The following FANCL variants were observed in gnomAD, a reference collection of about 807,000 sequenced individuals.
FANCL encodes E3 ubiquitin-protein ligase FANCL.
Under a neutral mutation model 59.4 loss-of-function variants are expected in FANCL, and 69 were observed. The ratio of observed to expected loss-of-function variants is 1.16; its 90% CI spans 0.96 to 1.42. The LOEUF (loss-of-function observed/expected upper bound fraction) is 1.42. FANCL is among the 40% of genes most tolerant of loss of function. FANCL has a pLI of 0.00. For synonymous variants in FANCL, 180 were observed against 147.1 expected, an observed-to-expected ratio of 1.22 and a Z score of -1.62; for missense variants, 519 against 447.2, an observed-to-expected ratio of 1.16 and a Z score of -1.45.
chr2:58,232,951 AAC>A lies in FANCL; in HGVS notation c.97-841_97-840del, dbSNP rs201953385. ...AAAAACAATTACCATGTGGAATTTT[AAC>A]ACAGTCTCCCTCAAAGCAGTTTCAA... On this transcript the variant is annotated intron_variant, in intron 1 of 13. Coordinates refer to ENST00000233741, the MANE Select transcript of FANCL (RefSeq NM_018062.4). 4.0e-4 allele frequency among the ~76,000 whole-genome samples: 61 copies of A among 152,198 alleles called. No individual in the cohort carries two copies. In the East Asian group the frequency reaches 0.011, roughly 27 times the overall value.
chr2:58,185,825 G>C (rs1299220159), intron 7 of FANCL, among the ~76,000 whole-genome samples: 2 of 152,088 alleles, frequency 1.3e-5, no homozygotes, highest in African/African-American at 4.8e-5. Context: ...CCATGACTAG[G>C]GAATATAATT....
At chr2:58,224,011 G>A (rs1323948357) in intron 4 of FANCL, among the ~76,000 whole-genome samples, 4 of 151,692 alleles carry the variant, frequency 2.6e-5, no homozygotes, top group African/African-American at 9.7e-5. Flanking sequence ...AAATTTGTCC[G>A]TAATTTCTGA....
chr2:58,196,279 T>G (rs1558780836), intron 7 of FANCL, among the ~76,000 whole-genome samples: 1 of 152,158 alleles, frequency 6.6e-6, no homozygotes, highest in East Asian at 1.9e-4. Context: ...GGGTCAGGTC[T>G]TAGCTATTCT....
intron 7 of FANCL, among the ~76,000 whole-genome samples, chr2:58,171,785 A>G (rs1446327786): frequency 6.6e-6 from 1 of 152,192 alleles, no homozygotes; most frequent in Admixed American, 6.5e-5. Context: ...ACCATGCGCG[A>G]GCAGAAGCAG....
rs568545826 is a variant in FANCL, at chr2:58,180,222, G to A, written c.541-14348C>T. 6.6e-5 allele frequency among the ~76,000 whole-genome samples: 10 copies of A among 152,238 alleles called. No individual in the cohort carries two copies. In the East Asian group the frequency reaches 1.7e-3, roughly 26 times the overall value. ...TTTGATCCAGCAATCCCATTATGGG[G>A]TATATACCCAAAGAATTATAAATCA... On this transcript the variant is annotated intron_variant, in intron 7 of 13. Transcript: ENST00000233741.
At chr2:58,212,140 G>C (rs2105208569) in intron 5 of FANCL, among the ~76,000 whole-genome samples, 1 of 152,276 alleles carries the variant, frequency 6.6e-6, no homozygotes, top group African/African-American at 2.4e-5. Context: ...GGTTTAATTG[G>C]ACTTACAGTT....
intron 7 of FANCL, 40 bp from the exon 8 acceptor site, chr2:58,165,914 C>T (rs1264975647): frequency 1.3e-6 from 2 of 1,581,590 alleles, no homozygotes; most frequent in Non-Finnish European, 1.7e-6. Context: ...ATATGGTACT[C>T]TACCAATAGC....
intron 5 of FANCL, among the ~76,000 whole-genome samples, chr2:58,211,161 C>A (rs546475835): frequency 5.9e-5 from 9 of 152,350 alleles, no homozygotes; most frequent in African/African-American, 2.2e-4. Flanking sequence ...CAGCAAACTT[C>A]TGCCTGGGCA....
At chr2:58,218,212 A>T (rs1200287293) in intron 5 of FANCL, among the ~76,000 whole-genome samples, 2 of 152,078 alleles carry the variant, frequency 1.3e-5, no homozygotes, top group Non-Finnish European at 2.9e-5. Context: ...ATAATAAAGT[A>T]AGATAAACTG....
chr2:58,164,820 CTTT>C (rs1378656623), intron 8 of FANCL, among the ~76,000 whole-genome samples: 1 of 151,936 alleles, frequency 6.6e-6, no homozygotes, highest in Non-Finnish European at 1.5e-5. Context: ...CACAGTTAGA[CTTT>C]TTGAAACCAG....
chr2:58,226,684 A>G (rs1236295854), intron 4 of FANCL, 44 bp downstream of exon 4: 2 of 1,398,928 alleles, frequency 1.4e-6, no homozygotes, highest in East Asian at 4.6e-5. Context: ...AGAAATCAAG[A>G]CTTGCAGTAT....
chr2:58,215,844 G>A (rs1691663050), intron 5 of FANCL, among the ~76,000 whole-genome samples: 2 of 151,770 alleles, frequency 1.3e-5, no homozygotes, highest in African/African-American at 2.4e-5. Context: ...CAAAACTTCT[G>A]ATAAATCCTT....
At chr2:58,241,171 C>T (rs577676420) in intron 1 of FANCL, 47 bp downstream of exon 1, 9 of 1,589,206 alleles carry the variant, frequency 5.7e-6, no homozygotes, top group South Asian at 2.2e-5. Flanking sequence ...CGCGCAGCTA[C>T]GCTGCAAGAG....
At chr2:58,164,809 A>T (rs1685717147) in intron 8 of FANCL, among the ~76,000 whole-genome samples, 1 of 152,192 alleles carries the variant, frequency 6.6e-6, no homozygotes, top group African/African-American at 2.4e-5. Context: ...TCCAAATTAA[A>T]CACAGTTAGA....
chr2:58,172,009 T>C lies in FANCL; in HGVS notation c.541-6135A>G, dbSNP rs144304783. ...GCCTCCTTCATTGCTAGCACAGCAG[T>C]CTAAGATCAAACTGCAAGGTGGCAG... On this transcript the variant is annotated intron_variant, in intron 7 of 13. Coordinates refer to ENST00000233741, the MANE Select transcript of FANCL (RefSeq NM_018062.4). Among the ~76,000 whole-genome samples the C allele has an allele frequency of 4.4e-4, 67 of 152,194 alleles. No homozygotes were observed. The East Asian group carries it at 0.012, about 28-fold the overall frequency.
At chr2:58,167,373 C>A (rs895552219) in intron 7 of FANCL, among the ~76,000 whole-genome samples, 1 of 152,140 alleles carries the variant, frequency 6.6e-6, no homozygotes, top group Non-Finnish European at 1.5e-5. Flanking sequence ...TCCCAAGAAG[C>A]TAGTTTTAAA....
chr2:58,190,760 TTTAA>T (rs916623483), intron 7 of FANCL, among the ~76,000 whole-genome samples: 6 of 152,064 alleles, frequency 3.9e-5, no homozygotes, highest in South Asian at 2.1e-4. Flanking sequence ...AGTGACATCA[TTTAA>T]TTAATTAATT....
chr2:58,221,477 T>G (rs938087566), intron 5 of FANCL, among the ~76,000 whole-genome samples: 3 of 152,190 alleles, frequency 2.0e-5, no homozygotes, highest in Admixed American at 2.0e-4. Context: ...TGGATGATTC[T>G]TACAAACCCT....
chr2:58,169,210 C>G (rs571857918), intron 7 of FANCL, among the ~76,000 whole-genome samples: 1 of 152,298 alleles, frequency 6.6e-6, no homozygotes, highest in South Asian at 2.1e-4. Flanking sequence ...GAGAAAGGAA[C>G]AGGCAGCAAA....
Sources: gnomAD v4.1 joint callset for allele counts (sites outside exome capture counted in the v4.1 genomes callset) on GRCh38, gnomAD v4.1.1 for gene constraint, MANE v1.5 for transcripts, NCBI Gene and HGNC (gene_info 2026-07-23, HGNC 2026-07-21) for gene names.